The following PIK3AP1 variants were observed in gnomAD, a reference collection of about 807,000 sequenced individuals.
PIK3AP1 encodes the protein phosphoinositide-3-kinase adaptor protein 1.
In PIK3AP1, 21 loss-of-function variants were observed where a neutral mutation model predicts 88.1. That is an observed-to-expected ratio of 0.24 (90% CI 0.17 to 0.34). The LOEUF (loss-of-function observed/expected upper bound fraction) is 0.34, where lower values mean the gene tolerates loss of function less well. PIK3AP1 is among the 10% of genes least tolerant of loss of function. PIK3AP1 has a pLI of 1.00. For missense variants in PIK3AP1, 828 were observed against 1,035.7 expected (o/e 0.80, Z 2.75); for synonymous variants, 398 against 400.0 (o/e 1.00, Z 0.06).
rs529342043 is a variant in PIK3AP1 at position 96,647,246 on chromosome 10, A to G, written c.1185+1413T>C. Among the ~76,000 whole-genome samples, 12 of 152,322 alleles carry G rather than the reference A, an allele frequency of 7.9e-5. No individual in the cohort carries two copies. In the South Asian group the frequency reaches 2.1e-3, roughly 26 times the overall value. ...CAGGATAACAAGCCCGGGCTTCAGT[A>G]TCAAACTAGGTGCAAATCCTGTCTC... On this transcript the variant is annotated intron_variant, in intron 7 of 16. Transcript: ENST00000339364.
intron 6 of PIK3AP1, among the ~76,000 whole-genome samples, chr10:96,649,402 G>A (rs559990775): frequency 6.6e-6 from 1 of 152,268 alleles, no homozygotes; most frequent in East Asian, 1.9e-4. Context: ...TTCTCTAACA[G>A]GACTGGAGAA....
In PIK3AP1 at chr10:96,628,398, C is replaced by T. The variant is rs905326865; in HGVS notation, c.1471G>A (p.Gly491Ser). The change falls in exon 9 of 17, where the codon GGC becomes AGC. Residue 491 changes from glycine to serine, a missense_variant and splice_region_variant. Around this residue, in one of 3 missense-constraint regions of PIK3AP1, gnomAD observed 610 missense variants for 760.1 expected, o/e 0.80. Coordinates refer to ENST00000339364, the MANE Select transcript of PIK3AP1 (RefSeq NM_152309.3). ...KDSMIRKFLEGNSMGMTNLER... is the reference protein window; with the variant it reads ...KDSMIRKFLESNSMGMTNLER... ...TTCCCTGCTCATGGCTATGACTTAC[C>T]TTCTAAAAACTTGCGGATCATAGAG... is the stretch of plus-strand genomic sequence containing the variant. 1 of 1,599,542 alleles carries T rather than the reference C, an allele frequency of 6.3e-7. No individual in the cohort carries two copies. Among genetic ancestry groups the T allele is most frequent in the African/African-American group, 1.3e-5 (1 of 74,678 alleles).
intron 16 of PIK3AP1, among the ~76,000 whole-genome samples, chr10:96,599,575 G>T (rs982510075): frequency 6.6e-6 from 1 of 152,166 alleles, no homozygotes; most frequent in Non-Finnish European, 1.5e-5. Context: ...AACACGGGCA[G>T]AGAAGAGATG....
intron 2 of PIK3AP1, among the ~76,000 whole-genome samples, chr10:96,665,100 C>T (rs2134247791): frequency 6.6e-6 from 1 of 151,218 alleles, no homozygotes; most frequent in East Asian, 1.9e-4. Flanking sequence ...CCCCAGGGAT[C>T]CTCCTCAGTG....
rs1381762585 is a variant in PIK3AP1 at position 96,618,118 on chromosome 10, C to T, written c.1942-1407G>A. Among the ~76,000 whole-genome samples the T allele has an allele frequency of 5.3e-5, 8 of 152,098 alleles. 1 individual carries two copies. The highest frequency in any genetic ancestry group is 1.3e-4 in the Admixed American group (2 of 15,284). Reference sequence around the variant, plus strand: ...CTCAGGGAACCAAACAATGTGAGCCCCCATGAGCTGGGATTCTGCCGTATT... The same window carrying T: ...CTCAGGGAACCAAACAATGTGAGCCTCCATGAGCTGGGATTCTGCCGTATT... On this transcript the variant is annotated intron_variant, in intron 12 of 16. Coordinates refer to ENST00000339364, the MANE Select transcript of PIK3AP1 (RefSeq NM_152309.3).
intron 2 of PIK3AP1, among the ~76,000 whole-genome samples, chr10:96,704,882 G>GACT (rs1340354595): frequency 6.6e-6 from 1 of 152,042 alleles, no homozygotes; most frequent in Non-Finnish European, 1.5e-5. Context: ...AAGTATAATT[G>GACT]ACTACCTGTA....
chr10:96,646,475 G>A (rs1388461258), intron 7 of PIK3AP1, among the ~76,000 whole-genome samples: 1 of 152,054 alleles, frequency 6.6e-6, no homozygotes, highest in Non-Finnish European at 1.5e-5. Flanking sequence ...CTACACCCTA[G>A]TGGTTCCTCC....
At chr10:96,687,119 G>T (rs11188886) in intron 2 of PIK3AP1, among the ~76,000 whole-genome samples, 1 of 151,802 alleles carries the variant, frequency 6.6e-6, no homozygotes, top group Non-Finnish European at 1.5e-5. Flanking sequence ...AGCCGGGTGC[G>T]GTGGCGGGCG....
Position 96,646,670 on chromosome 10 carries a change from C to T in PIK3AP1, c.1186-1008G>A, listed in dbSNP as rs569138923. On this transcript the variant is annotated intron_variant, in intron 7 of 16. Coordinates refer to ENST00000339364, the MANE Select transcript of PIK3AP1 (RefSeq NM_152309.3). The stretch of plus-strand genomic sequence containing the variant: ...TCCTCCAAACTGTCAGGAACCCTGA[C>T]AGTTTCCAGGGGTTCCAGCCTCGAT... Among the ~76,000 whole-genome samples the T allele has an allele frequency of 7.9e-5, 12 of 152,254 alleles. 1 individual carries two copies. In the South Asian group the frequency reaches 2.1e-3, roughly 26 times the overall value.
chr10:96,685,899 A>G (rs516093), intron 2 of PIK3AP1, among the ~76,000 whole-genome samples: 11,513 of 152,122 alleles, frequency 0.076, 1,437 homozygotes, highest in African/African-American at 0.26. Context: ...ATGCCCACAC[A>G]CTGGCTGAGC....
chr10:96,713,838 C>T (rs1405437998), intron 1 of PIK3AP1, among the ~76,000 whole-genome samples: 1 of 152,146 alleles, frequency 6.6e-6, no homozygotes, highest in Non-Finnish European at 1.5e-5. Flanking sequence ...GATCCTGCTC[C>T]TCTGTGAACA....
chr10:96,639,038 G>T (rs1440027483), intron 8 of PIK3AP1, among the ~76,000 whole-genome samples: 1 of 152,206 alleles, frequency 6.6e-6, no homozygotes, highest in Non-Finnish European at 1.5e-5. Context: ...AGGAATCTGG[G>T]CATTTCTCAA....
chr10:96,624,233 T>C (rs1463111816), intron 10 of PIK3AP1, among the ~76,000 whole-genome samples: 1 of 152,218 alleles, frequency 6.6e-6, no homozygotes, highest in Admixed American at 6.5e-5. Flanking sequence ...AGTTAATACA[T>C]GGAAAGTGCT....
At chr10:96,611,240 T>C (rs571109634) in intron 13 of PIK3AP1, among the ~76,000 whole-genome samples, 15 of 152,298 alleles carry the variant, frequency 9.8e-5, no homozygotes, top group African/African-American at 3.6e-4. Context: ...GTGTAGTGTA[T>C]GGTCCAAGTG....
At chr10:96,657,938 A>G (rs1315555183) in intron 2 of PIK3AP1, among the ~76,000 whole-genome samples, 3 of 151,746 alleles carry the variant, frequency 2.0e-5, no homozygotes, top group African/African-American at 7.3e-5. Context: ...TGGCACATGC[A>G]TGTAATCCCA....
At chr10:96,631,925 A>C (rs1039582043) in intron 8 of PIK3AP1, among the ~76,000 whole-genome samples, 7 of 152,022 alleles carry the variant, frequency 4.6e-5, no homozygotes, top group Admixed American at 2.0e-4. Flanking sequence ...ATAAAATAAA[A>C]CAGAAAAGAA....
In PIK3AP1 at chr10:96,596,306, C is replaced by T. The variant is rs188281000; in HGVS notation, c.2361-672G>A. Among the ~76,000 whole-genome samples the T allele has an allele frequency of 1.1e-3, 167 of 152,268 alleles. 1 individual carries two copies. The highest frequency in any genetic ancestry group is 2.9e-3 in the Admixed American group (44 of 15,298). On this transcript the variant is annotated intron_variant, in intron 16 of 16. Transcript: ENST00000339364. ...CTCACCTGTTTTGTCCCATGGAAAC[C>T]ACAATAAAAGCTCTTGTCCACATTT...
intron 2 of PIK3AP1, among the ~76,000 whole-genome samples, chr10:96,689,331 G>A (rs1032978501): frequency 6.6e-5 from 10 of 151,700 alleles, no homozygotes; most frequent in South Asian, 4.2e-4. Context: ...TTGGGAGGCC[G>A]AGGCAGGCGG....
intron 2 of PIK3AP1, among the ~76,000 whole-genome samples, chr10:96,667,589 T>G (rs1356486513): frequency 6.6e-6 from 1 of 152,192 alleles, no homozygotes; most frequent in Non-Finnish European, 1.5e-5. Context: ...AAACCCATGC[T>G]GTCATCCATC....
Sources: gnomAD v4.1 joint callset for allele counts (sites outside exome capture counted in the v4.1 genomes callset) on GRCh38, gnomAD v4.1.1 for gene constraint, gnomAD v4.1.1 regional missense constraint, MANE v1.5 for transcripts, NCBI Gene and HGNC (gene_info 2026-07-23, HGNC 2026-07-21) for gene names.